Variants in SNX6 observed in about 807,000 individuals in gnomAD.
The protein encoded by SNX6 is sorting nexin-6.
In SNX6, 34 loss-of-function variants were observed where a neutral mutation model predicts 63.0. That is an observed-to-expected ratio of 0.54 (90% CI 0.41 to 0.72). The LOEUF is 0.72. Among genes scored for constraint, SNX6 ranks in the 30% least tolerant of loss-of-function variants. The pLI, the probability that SNX6 is intolerant of heterozygous loss-of-function variation, is 0.00. For synonymous variants in SNX6, 170 were observed against 164.2 expected (o/e 1.04, Z -0.27); for missense variants, 398 against 471.4 (o/e 0.84, Z 1.44).
intron 5 of SNX6, chr14:34,604,054 GGAA>G (rs2138344838): frequency 8.2e-5 from 78 of 947,286 alleles, no homozygotes; most frequent in Admixed American, 9.5e-5. Context: ...TCAGTTTGGG[GGAA>G]AAAAAAAAAA....
intron 8 of SNX6, among the ~76,000 whole-genome samples, chr14:34,591,719 C>T (rs1882400868): frequency 6.6e-6 from 1 of 152,192 alleles, no homozygotes; most frequent in African/African-American, 2.4e-5. Context: ...TTGCTTGAAG[C>T]TTGACTTATC....
intron 2 of SNX6, among the ~76,000 whole-genome samples, chr14:34,627,710 G>A (rs1883884465): frequency 6.6e-6 from 1 of 152,014 alleles, no homozygotes. Flanking sequence ...GGCTGGTCTC[G>A]AACTCCTGAC....
At chr14:34,597,904 A>C (rs1054299847) in intron 6 of SNX6, among the ~76,000 whole-genome samples, 1 of 152,226 alleles carries the variant, frequency 6.6e-6, no homozygotes, top group Non-Finnish European at 1.5e-5. Context: ...TTCACATTTT[A>C]TGAGCATATC....
At chr14:34,627,907 C>G (rs1409307215) in intron 2 of SNX6, among the ~76,000 whole-genome samples, 1 of 152,152 alleles carries the variant, frequency 6.6e-6, no homozygotes, top group Non-Finnish European at 1.5e-5. Flanking sequence ...AGGTGTGAGC[C>G]ATTGTGCCTG....
chr14:34,579,266 T>C (rs1219024290), intron 10 of SNX6, among the ~76,000 whole-genome samples: 1 of 151,974 alleles, frequency 6.6e-6, no homozygotes, highest in East Asian at 1.9e-4. Context: ...CTAGAAACTA[T>C]CCAAATGCCT....
chr14:34,590,014 G>A (rs563132177), intron 8 of SNX6, among the ~76,000 whole-genome samples: 38 of 152,234 alleles, frequency 2.5e-4, no homozygotes, highest in Middle Eastern at 6.8e-3. Context: ...CAGCTACTTG[G>A]CAGGCTGAAG....
rs940106453 is a variant in SNX6 at position 34,572,926 on chromosome 14, C to T, written c.921+2830G>A. On this transcript the variant is annotated intron_variant, in intron 11 of 13. Transcript: ENST00000362031. Reference sequence around the variant, plus strand: ...CTTGATCTCCTGACCTCGTGATCCACCCGCCTAAGCCTCCCAAAGTGCTGG... The same window carrying T: ...CTTGATCTCCTGACCTCGTGATCCATCCGCCTAAGCCTCCCAAAGTGCTGG... 3.3e-5 allele frequency among the ~76,000 whole-genome samples: 5 copies of T among 152,062 alleles called. No homozygotes were observed. The East Asian group carries it at 9.7e-4, about 29-fold the overall frequency.
intron 11 of SNX6, among the ~76,000 whole-genome samples, chr14:34,569,336 G>C (rs976279263): frequency 1.3e-5 from 2 of 152,028 alleles, no homozygotes; most frequent in Admixed American, 1.3e-4. Context: ...CCCATTAACA[G>C]CCACTTGCCA....
rs116663812 is a variant in SNX6 at position 34,590,741 on chromosome 14, C to T, written c.718+2304G>A. 5.9e-3 allele frequency among the ~76,000 whole-genome samples: 893 copies of T among 152,290 alleles called. 14 individuals carry two copies. The highest frequency in any genetic ancestry group is 0.021 in the African/African-American group (863 of 41,574). On this transcript the variant is annotated intron_variant, in intron 8 of 13. Transcript: ENST00000362031. ...ATATTCATTTACCACATGACTCAGG[C>T]ATTCTACTTCTAGGTATTACCCAAG...
At chr14:34,582,607 G>A (rs1159999519) in intron 9 of SNX6, among the ~76,000 whole-genome samples, 1 of 152,016 alleles carries the variant, frequency 6.6e-6, no homozygotes, top group Non-Finnish European at 1.5e-5. Flanking sequence ...CCGCAGTGCA[G>A]TAGCGCCATC....
At chr14:34,602,691 T>G (rs1338102611) in intron 6 of SNX6, among the ~76,000 whole-genome samples, 3 of 151,880 alleles carry the variant, frequency 2.0e-5, no homozygotes, top group African/African-American at 7.3e-5. Context: ...AAAAGAGAAC[T>G]TGGGGCCGGG....
At position 34,604,640 on chromosome 14, in the gene SNX6, C is replaced by T. The variant is rs1175177577; in HGVS notation, c.392+956G>A. Among the ~76,000 whole-genome samples, 5 of 152,014 alleles carry T rather than the reference C, an allele frequency of 3.3e-5. No homozygotes were observed. The East Asian group carries it at 7.7e-4, about 23-fold the overall frequency. ...CATATCCAGCAAATCCAAAATTACT[C>T]CAAATGTTTAACAAAAGGGGAAAGA... is the stretch of plus-strand genomic sequence containing the variant. On this transcript the variant is annotated intron_variant, in intron 5 of 13. Transcript: ENST00000362031.
At position 34,611,871 on chromosome 14, in the gene SNX6, C is replaced by T. The variant is rs567777650; in HGVS notation, c.55-2129G>A. ...TCGGCTCACTGCAAGCTCCGCCTCCCGGGTTCACGCCATTCTCCTGCCTCA... is the reference window on the plus strand; with the variant it reads ...TCGGCTCACTGCAAGCTCCGCCTCCTGGGTTCACGCCATTCTCCTGCCTCA... On this transcript the variant is annotated intron_variant, in intron 2 of 13. Transcript: ENST00000362031. Among the ~76,000 whole-genome samples the T allele has an allele frequency of 8.0e-4, 121 of 152,026 alleles. 1 individual carries two copies. The highest frequency in any genetic ancestry group is 2.9e-3 in the African/African-American group (121 of 41,494).
At chr14:34,608,941 C>G (rs1312721900) in intron 3 of SNX6, among the ~76,000 whole-genome samples, 4 of 151,636 alleles carry the variant, frequency 2.6e-5, no homozygotes, top group Admixed American at 1.3e-4. Flanking sequence ...GACAGGAGAA[C>G]TGCTTGAACC....
chr14:34,598,739 C>A (rs989888881), intron 6 of SNX6, among the ~76,000 whole-genome samples: 25 of 152,104 alleles, frequency 1.6e-4, no homozygotes, highest in African/African-American at 5.8e-4. Flanking sequence ...TGGGCCTGAG[C>A]CAGGCACAGT....
chr14:34,576,068 C>T (rs947010941), intron 10 of SNX6, among the ~76,000 whole-genome samples: 4 of 151,798 alleles, frequency 2.6e-5, no homozygotes, highest in East Asian at 1.9e-4. Flanking sequence ...GGACTACAGG[C>T]GCCCGCCACC....
intron 6 of SNX6, among the ~76,000 whole-genome samples, chr14:34,599,444 T>C (rs1882721158): frequency 6.6e-6 from 1 of 152,056 alleles, no homozygotes; most frequent in Non-Finnish European, 1.5e-5. Context: ...CTGTCTCTAC[T>C]AAAAATACTA....
Position 34,630,131 on chromosome 14 carries a change from G to A in SNX6, c.-15C>T, listed in dbSNP as rs945339499. On this transcript the variant is annotated 5_prime_UTR_variant, in exon 1 of 14. Coordinates refer to ENST00000362031, the MANE Select transcript of SNX6 (RefSeq NM_152233.4). ...CCCACCATCATGGCTGCTCCGAGGC[G>A]AGGGCCGGCGCAGGCGCGCATCTCC... 61 of 1,335,332 alleles carry A rather than the reference G, an allele frequency of 4.6e-5. No homozygotes were observed. In the African/African-American group the frequency reaches 5.1e-4, roughly 11 times the overall value. The allele number at this position is 1,335,332 out of a possible 1,614,324, so 82.7% of individuals were successfully genotyped here.
chr14:34,618,773 A>T (rs1417109006), intron 2 of SNX6, among the ~76,000 whole-genome samples: 1 of 152,050 alleles, frequency 6.6e-6, no homozygotes, highest in Non-Finnish European at 1.5e-5. Flanking sequence ...TCAAGTCCTT[A>T]AGTCTTCCTC....
Sources: gnomAD v4.1 joint callset for allele counts (sites outside exome capture counted in the v4.1 genomes callset) on GRCh38, gnomAD v4.1.1 for gene constraint, MANE v1.5 for transcripts, NCBI Gene and HGNC (gene_info 2026-07-23, HGNC 2026-07-21) for gene names.